The following ADAM29 variants were observed in gnomAD, a reference collection of about 807,000 sequenced individuals.
The protein encoded by ADAM29 is disintegrin and metalloproteinase domain-containing protein 29.
For missense variants in ADAM29, 969 were observed against 1,001.8 expected (o/e 0.97, Z 0.44); for synonymous variants, 367 against 342.3 (o/e 1.07, Z -0.80).
At chr4:174,946,886 G>C (rs1047173108) in intron 4 of ADAM29, among the ~76,000 whole-genome samples, 1 of 152,028 alleles carries the variant, frequency 6.6e-6, no homozygotes, top group Non-Finnish European at 1.5e-5. Context: ...GCTTTTTCTG[G>C]TTGGTAGGCT....
chr4:174,929,755 C>CT (rs61292393), intron 2 of ADAM29, among the ~76,000 whole-genome samples: 128 of 140,092 alleles, frequency 9.1e-4, no homozygotes, highest in Middle Eastern at 3.7e-3. Context: ...ATCTCTCTCT[C>CT]TTTTTTTTTT....
Position 174,977,967 on chromosome 4 carries a change from A to G in ADAM29, c.2442A>G (p.Gln814=), listed in dbSNP as rs572254867. ...RQPQLMPSQS[Q]PPVTPS is the part of the protein sequence containing the mutation. ...CTCAGTTGATGCCTTCCCAGAGTCA[A>G]CCTCCTGTGACGCCCTCCTAGAGCC... Residue 814 remains glutamine (Q), a synonymous_variant, in exon 5 of 5, where the codon CAA becomes CAG. Transcript: ENST00000359240. 2 of 1,591,612 alleles carry G rather than the reference A, an allele frequency of 1.3e-6. No homozygotes were observed. Among genetic ancestry groups the G allele is most frequent in the East Asian group, 2.3e-5 (1 of 43,158 alleles).
At chr4:174,942,414 T>C (rs957924200) in intron 4 of ADAM29, among the ~76,000 whole-genome samples, 2 of 152,208 alleles carry the variant, frequency 1.3e-5, no homozygotes, top group Non-Finnish European at 2.9e-5. Context: ...CCATACATCA[T>C]TTGAAATCTA....
intron 4 of ADAM29, among the ~76,000 whole-genome samples, chr4:174,969,010 AAG>A (rs1746316703): frequency 6.6e-6 from 1 of 151,806 alleles, no homozygotes; most frequent in African/African-American, 2.4e-5. Flanking sequence ...TAGAAAAAAA[AAG>A]AAAGATGAGA....
At chr4:174,972,448 G>T (rs1746528836) in intron 4 of ADAM29, among the ~76,000 whole-genome samples, 1 of 152,108 alleles carries the variant, frequency 6.6e-6, no homozygotes, top group African/African-American at 2.4e-5. Flanking sequence ...GGAAACTATT[G>T]TATCAACCAG....
At chr4:174,972,857 G>C (rs1311952189) in intron 4 of ADAM29, among the ~76,000 whole-genome samples, 2 of 152,126 alleles carry the variant, frequency 1.3e-5, no homozygotes, top group Admixed American at 6.6e-5. Flanking sequence ...AGAAAGCTGA[G>C]AGCTGGAATT....
chr4:174,975,163 ATTCCCTT>A (rs1746689964), intron 4 of ADAM29, among the ~76,000 whole-genome samples, 176 bp from the exon 5 acceptor site: 1 of 152,078 alleles, frequency 6.6e-6, no homozygotes, highest in Non-Finnish European at 1.5e-5. Context: ...TACACTCCCT[ATTCCCTT>A]TTCCCTATCA....
chr4:174,925,829 T>C (rs2110907736), intron 2 of ADAM29, among the ~76,000 whole-genome samples: 1 of 152,300 alleles, frequency 6.6e-6, no homozygotes, highest in African/African-American at 2.4e-5. Flanking sequence ...TGAGAAGGCT[T>C]AGAAAAATAG....
chr4:174,968,031 T>C (rs1479543203), intron 4 of ADAM29, among the ~76,000 whole-genome samples: 6 of 152,206 alleles, frequency 3.9e-5, no homozygotes, highest in Non-Finnish European at 8.8e-5. Flanking sequence ...CTTTATTATT[T>C]ATTTGTCAAT....
At position 174,975,711 on chromosome 4, in the gene ADAM29, A is replaced by G; in HGVS notation, c.186A>G (p.Lys62=). 1 of 1,611,798 alleles carries G rather than the reference A, an allele frequency of 6.2e-7. No individual in the cohort carries two copies. The highest frequency in any genetic ancestry group is 8.5e-7 in the Non-Finnish European group (1 of 1,179,032). ...ATATCCTGCCCTTTGGAGGCCAGAA[A>G]CACATTATCCACATAAAGGTCAAGA... ...LSYILPFGGQ[K]HIIHIKVKKL... The change falls in exon 5 of 5, where the codon AAA becomes AAG. Residue 62 remains lysine, a synonymous_variant. Coordinates refer to ENST00000359240, the MANE Select transcript of ADAM29 (RefSeq NM_014269.4).
Position 174,976,831 on chromosome 4 carries a change from A to T in ADAM29, c.1306A>T (p.Thr436Ser), listed in dbSNP as rs754486344. Residue 436 changes from threonine (T) to serine (S), a missense_variant, in exon 5 of 5, where the codon ACT (threonine) becomes TCT (serine). By Grantham distance (58) the Thr-to-Ser change is moderately conservative (BLOSUM62 1). Coordinates refer to ENST00000359240, the MANE Select transcript of ADAM29 (RefSeq NM_014269.4). ...LSNCTLTDGS[T>S]CAFGLCCKDC... is the part of the protein sequence containing the mutation. ...AAATTGCACTCTGACTGATGGTTCT[A>T]CTTGTGCTTTTGGGCTTTGTTGCAA... is the stretch of plus-strand genomic sequence containing the variant. 4 of 1,614,158 alleles carry T rather than the reference A, an allele frequency of 2.5e-6. No individual in the cohort carries two copies. The highest frequency in any genetic ancestry group is 3.4e-6 in the Non-Finnish European group (4 of 1,180,024).
At chr4:174,923,588 A>G (rs915491133) in intron 2 of ADAM29, among the ~76,000 whole-genome samples, 13 of 145,996 alleles carry the variant, frequency 8.9e-5, no homozygotes, top group Non-Finnish European at 2.0e-4. Context: ...TCTTTAAAAA[A>G]TATTTTCCAC....
chr4:174,956,884 A>G (rs1745536824), intron 4 of ADAM29, among the ~76,000 whole-genome samples: 1 of 151,850 alleles, frequency 6.6e-6, no homozygotes, highest in Admixed American at 6.6e-5. Flanking sequence ...CAGGAAATAA[A>G]CCATATGATT....
intron 2 of ADAM29, among the ~76,000 whole-genome samples, chr4:174,925,400 A>G (rs1024176454): frequency 6.6e-6 from 1 of 152,228 alleles, no homozygotes; most frequent in African/African-American, 2.4e-5. Context: ...ACGGTTTTAA[A>G]AAACAAAGTT....
intron 3 of ADAM29, among the ~76,000 whole-genome samples, chr4:174,933,571 G>A (rs780048965): frequency 4.0e-5 from 6 of 151,796 alleles, no homozygotes; most frequent in South Asian, 2.1e-4. Flanking sequence ...ATATTTCTTC[G>A]CCCAGGTATT....
At position 174,963,744 on chromosome 4, in the gene ADAM29, A is replaced by G. The variant is rs140952890; in HGVS notation, c.-180-11602A>G. On this transcript the variant is annotated intron_variant, in intron 4 of 4. Coordinates refer to ENST00000359240, the MANE Select transcript of ADAM29 (RefSeq NM_014269.4). ...GTCACCCAGGCTGGAGTGCAGTGGC[A>G]CGATCTCGGCTCACTGCAACCTCTG... is the stretch of plus-strand genomic sequence containing the variant. Among the ~76,000 whole-genome samples the G allele has an allele frequency of 6.0e-5, 9 of 150,526 alleles. No homozygotes were observed. The East Asian group carries it at 9.8e-4, about 16-fold the overall frequency.
At position 174,977,269 on chromosome 4, in the gene ADAM29, T is replaced by C; in HGVS notation, c.1744T>C (p.Trp582Arg). 6.2e-7 allele frequency: 1 copy of C among 1,614,038 alleles called. No homozygotes were observed. The highest frequency in any genetic ancestry group is 1.1e-5 in the South Asian group (1 of 91,076). The change falls in exon 5 of 5, where the codon TGG becomes CGG. Residue 582 changes from tryptophan (W) to arginine (R), a missense_variant. Coordinates refer to ENST00000359240, the MANE Select transcript of ADAM29 (RefSeq NM_014269.4). Reference sequence around the variant, plus strand: ...GGCTCGCTTCAATGACATAATGTGCTGGAGTACTGATTACCATTTGGGGAT... The same window carrying C: ...GGCTCGCTTCAATGACATAATGTGCCGGAGTACTGATTACCATTTGGGGAT... ...HWARFNDIMC[W>R]STDYHLGMKG...
chr4:174,954,415 CT>C (rs1397768268), intron 4 of ADAM29, among the ~76,000 whole-genome samples: 1 of 152,148 alleles, frequency 6.6e-6, no homozygotes, highest in Non-Finnish European at 1.5e-5. Flanking sequence ...ATACTTTATT[CT>C]CGTTAAGGCT....
At chr4:174,959,702 T>C (rs1411485466) in intron 4 of ADAM29, among the ~76,000 whole-genome samples, 2 of 151,982 alleles carry the variant, frequency 1.3e-5, no homozygotes, top group Non-Finnish European at 2.9e-5. Context: ...CTCTTTGTAC[T>C]TCAATTGGTA....
Sources: gnomAD v4.1 joint callset for allele counts (sites outside exome capture counted in the v4.1 genomes callset) on GRCh38, gnomAD v4.1.1 for gene constraint, MANE v1.5 for transcripts, NCBI Gene and HGNC (gene_info 2026-07-23, HGNC 2026-07-21) for gene names.